NASP: variants seen among roughly 807,000 people sequenced by gnomAD.
NASP encodes nuclear autoantigenic sperm protein.
NASP carries 24 observed loss-of-function variants against 89.5 expected under a neutral mutation model. The observed-to-expected ratio is 0.27, with a 90% CI of 0.19 to 0.38. The LOEUF is 0.38. NASP is among the 10% of genes least tolerant of loss of function. The pLI, the probability that NASP is intolerant of heterozygous loss-of-function variation, is 1.00. For missense variants in NASP, 848 were observed against 921.4 expected (o/e 0.92, Z 1.03); for synonymous variants, 306 against 324.7 (o/e 0.94, Z 0.62).
intron 6 of NASP, chr1:45,610,802 A>T (rs932149425): frequency 2.0e-5 from 3 of 152,286 alleles, no homozygotes; most frequent in Admixed American, 2.0e-4. Flanking sequence ...TGCAACCTGC[A>T]TCTCCCAGGT....
chr1:45,585,999 C>T (rs538962142), intron 1 of NASP, among the ~76,000 whole-genome samples: 9 of 152,248 alleles, frequency 5.9e-5, no homozygotes, highest in African/African-American at 2.2e-4. Context: ...TTGCAGGTCC[C>T]CTGTGTCTAG....
At position 45,612,975 on chromosome 1, in the gene NASP, G is replaced by A. The variant is rs138534887; in HGVS notation, c.1427-194G>A. The A allele has an allele frequency of 2.2e-4, 143 of 649,966 alleles. No homozygotes were observed. The African/African-American group carries it at 2.3e-3, about 10-fold the overall frequency. The allele number at this position is 649,966 out of a possible 1,614,324, so 40.3% of individuals were successfully genotyped here. On this transcript the variant is annotated intron_variant, in intron 6 of 14. Coordinates refer to ENST00000350030, the MANE Select transcript of NASP (RefSeq NM_002482.4). ...AAGGTCTGACCCATAGACTAAGATT[G>A]CACATTCTTAGTCTAGGTTACACTT...
chr1:45,613,501 G>T (rs2148370266), intron 7 of NASP, among the ~76,000 whole-genome samples: 1 of 152,244 alleles, frequency 6.6e-6, no homozygotes, highest in Non-Finnish European at 1.5e-5. Flanking sequence ...ATTTTTTTAA[G>T]AGATAGAATC....
At chr1:45,612,983 T>C in intron 6 of NASP, 186 bp from the exon 7 acceptor site, 1 of 709,628 alleles carries the variant, frequency 1.4e-6, no homozygotes, top group Non-Finnish European at 2.0e-6. Flanking sequence ...TTGCACATTC[T>C]TAGTCTAGGT....
chr1:45,616,671 G>A lies in NASP; in HGVS notation c.2125G>A (p.Val709Met), dbSNP rs1333702709. 6.2e-7 allele frequency: 1 copy of A among 1,614,044 alleles called. No homozygotes were observed. The highest frequency in any genetic ancestry group is 1.3e-5 in the African/African-American group (1 of 74,938). Reference protein sequence around the residue: ...PTDGASSSNCVTDISHLVRKK... With the variant: ...PTDGASSSNCMTDISHLVRKK... ...AGACGGTGCTTCCTCATCAAATTGT[G>A]TGACTGATATTTCCCACCTTGTCAG... Residue 709 changes from valine (V) to methionine (M), a missense_variant, in exon 13 of 15, where the codon GTG becomes ATG. This residue lies in a region of NASP where 218 missense variants were observed against 219.6 expected (regional missense o/e 0.99). Transcript: ENST00000350030.
intron 1 of NASP, among the ~76,000 whole-genome samples, chr1:45,586,292 T>TGTGTGGTGTGTGTGTG (rs1557646632): frequency 6.3e-5 from 6 of 95,744 alleles, no homozygotes; most frequent in African/African-American, 1.4e-4. Context: ...GTGGTGTGTG[T>TGTGTGGTGTGTGTGTG]GTGTGTGTGT....
chr1:45,613,402 G>C (rs1419343776), intron 7 of NASP, among the ~76,000 whole-genome samples, 154 bp downstream of exon 7: 1 of 152,158 alleles, frequency 6.6e-6, no homozygotes, highest in African/African-American at 2.4e-5. Flanking sequence ...CCTCACCTCA[G>C]CCTCTCAAGT....
chr1:45,610,515 A>T (rs1029213047), intron 6 of NASP: 1 of 152,206 alleles, frequency 6.6e-6, no homozygotes. Context: ...TTTTTCACTT[A>T]AAAATTAAAA....
intron 2 of NASP, among the ~76,000 whole-genome samples, chr1:45,596,496 A>C (rs573778038): frequency 6.6e-6 from 1 of 152,184 alleles, no homozygotes; most frequent in African/African-American, 2.4e-5. Context: ...TTCACTTAGC[A>C]TAGTGTTCTT....
chr1:45,609,728 T>TG (rs1643970500), intron 6 of NASP: 1 of 152,214 alleles, frequency 6.6e-6, no homozygotes, highest in Non-Finnish European at 1.5e-5. Flanking sequence ...AACAATACTA[T>TG]GTGATAGGTA....
intron 2 of NASP, chr1:45,594,729 C>G (rs1211787877): frequency 2.2e-6 from 1 of 455,594 alleles, no homozygotes. Context: ...GGCTGGGGCT[C>G]AAGCCATCTT....
chr1:45,613,210 A>C lies in NASP; in HGVS notation c.1468A>C (p.Thr490Pro). Residue 490 changes from threonine to proline, a missense_variant, in exon 7 of 15, where the codon ACC becomes CCC. By Grantham distance (38) the Thr-to-Pro change is conservative. Coordinates refer to ENST00000350030, the MANE Select transcript of NASP (RefSeq NM_002482.4). The part of the protein sequence containing the change: ...SEEDDKENDK[T>P]EEMPNDSVLE... ...AGAGGATGATAAAGAAAATGATAAG[A>C]CCGAAGAAATGCCAAATGATTCAGT... 1 of 1,612,018 alleles carries C rather than the reference A, an allele frequency of 6.2e-7. No homozygotes were observed. Among genetic ancestry groups the C allele is most frequent in the South Asian group, 1.1e-5 (1 of 90,854 alleles).
At chr1:45,604,564 C>T (rs1248519918) in intron 3 of NASP, among the ~76,000 whole-genome samples, 2 of 152,186 alleles carry the variant, frequency 1.3e-5, no homozygotes, top group Non-Finnish European at 2.9e-5. Flanking sequence ...CGCTTTACAT[C>T]ATGCCTTTCC....
intron 2 of NASP, among the ~76,000 whole-genome samples, chr1:45,594,392 G>A (rs1028882495): frequency 4.6e-5 from 7 of 151,782 alleles, no homozygotes; most frequent in African/African-American, 1.5e-4. Context: ...TATGAATACT[G>A]AATACTGTTT....
chr1:45,593,898 A>C (rs2148336287), intron 2 of NASP, among the ~76,000 whole-genome samples: 1 of 151,626 alleles, frequency 6.6e-6, no homozygotes, highest in South Asian at 2.1e-4. Flanking sequence ...TCGTTGTGGC[A>C]CTTGCGTGTG....
At position 45,603,682 on chromosome 1, in the gene NASP, T is replaced by G. The variant is rs765604175; in HGVS notation, c.219-1254T>G. On this transcript the variant is annotated intron_variant, in intron 3 of 14. Coordinates refer to ENST00000350030, the MANE Select transcript of NASP (RefSeq NM_002482.4). ...TGGAGTGCGATGGCGCGATGTCAGCTCACTGCAACCCCCGCCTCCCTGGTT... is the reference window on the plus strand; with the variant it reads ...TGGAGTGCGATGGCGCGATGTCAGCGCACTGCAACCCCCGCCTCCCTGGTT... 2.7e-5 allele frequency among the ~76,000 whole-genome samples: 4 copies of G among 147,584 alleles called. No individual in the cohort carries two copies. The Admixed American group carries it at 2.8e-4, about 10-fold the overall frequency.
intron 2 of NASP, among the ~76,000 whole-genome samples, chr1:45,596,457 G>A (rs1280012466): frequency 1.3e-5 from 2 of 152,246 alleles, no homozygotes; most frequent in East Asian, 1.9e-4. Context: ...TGGAATAATA[G>A]AATATTTACC....
At position 45,609,929 on chromosome 1, in the gene NASP, A is replaced by G. The variant is rs1301560689; in HGVS notation, c.1426+1592A>G. ...AGAAATTTTGTCGTGGGCTGGGCGC[A>G]GTAGCTTCACACCTGTATCCCAGCA... On this transcript the variant is annotated intron_variant, in intron 6 of 14. Transcript: ENST00000350030. The G allele has an allele frequency of 3.9e-5, 6 of 152,326 alleles. No homozygotes were observed. In the East Asian group the frequency reaches 7.7e-4, roughly 20 times the overall value. The allele number at this position is 152,326 out of a possible 1,614,324, so 9.4% of individuals were successfully genotyped here. A position where few individuals can be genotyped will look rare whatever the true frequency, so the allele number is the denominator to read the frequency against.
At chr1:45,584,234 A>T (rs1409299750) in intron 1 of NASP, 29 bp downstream of exon 1, 1 of 1,559,764 alleles carries the variant, frequency 6.4e-7, no homozygotes, top group Non-Finnish European at 8.7e-7. Context: ...AGCTTAAGGC[A>T]CTGGCCAGTC....
Sources: allele counts gnomAD v4.1 joint callset (sites outside exome capture counted in the v4.1 genomes callset), GRCh38; gene constraint gnomAD v4.1.1; regional missense constraint gnomAD v4.1.1; transcripts MANE v1.5; gene names NCBI Gene and HGNC (gene_info 2026-07-23, HGNC 2026-07-21).